The following EBF4 variants were observed in gnomAD, a reference collection of about 807,000 sequenced individuals.
EBF4 encodes EBF transcription factor 4.
Under a neutral mutation model 67.1 loss-of-function variants are expected in EBF4, and 34 were observed. That is an observed-to-expected ratio of 0.51 (90% CI 0.39 to 0.67). The LOEUF is 0.67. Among genes scored for constraint, EBF4 ranks in the 30% least tolerant of loss-of-function variants. The pLI, the probability that EBF4 is intolerant of heterozygous loss-of-function variation, is 0.00. For synonymous variants in EBF4, 387 were observed against 377.7 expected (o/e 1.02, Z -0.29); for missense variants, 837 against 873.3 (o/e 0.96, Z 0.52).
rs369496175 is a variant in EBF4, at chr20:2,747,320, A to AC, written c.558-1229_558-1228insC. ...TCAAAACAAAAAACAAAACAAACAA[A>AC]AAAAAAAAAACAGGAAAAAAAAGAG... On this transcript the variant is annotated intron_variant, in intron 6 of 16. Transcript: ENST00000609451. The surrounding 1 kb of genome is among the most constrained non-coding windows in gnomAD (Gnocchi z 4.6). 3.0e-4 allele frequency among the ~76,000 whole-genome samples: 43 copies of AC among 143,620 alleles called. No homozygotes were observed. Among genetic ancestry groups the AC allele is most frequent in the African/African-American group, 1.2e-3 (41 of 33,932 alleles). 94.2% of individuals were successfully genotyped at this position (143,620 alleles called of 152,430 possible).
At chr20:2,735,601 T>A (rs960849775) in intron 6 of EBF4, among the ~76,000 whole-genome samples, 1 of 152,248 alleles carries the variant, frequency 6.6e-6, no homozygotes, top group Non-Finnish European at 1.5e-5. Flanking sequence ...CTGTAATTGT[T>A]ATTTCTTACC....
At position 2,755,389 on chromosome 20, in the gene EBF4, C is replaced by A. The variant is rs2088225755; in HGVS notation, c.1541-238C>A. 2.0e-6 allele frequency: 1 copy of A among 508,756 alleles called. No individual in the cohort carries two copies. The highest frequency in any genetic ancestry group is 3.5e-6 in the Non-Finnish European group (1 of 289,176). The allele number at this position is 508,756 out of a possible 1,614,324, so 31.5% of individuals were successfully genotyped here. ...GTTTTTTTTGAATGTTCTGGTTTTGCTTTTGTCTTTACCTGGTCTGGCCCT... is the reference window on the plus strand; with the variant it reads ...GTTTTTTTTGAATGTTCTGGTTTTGATTTTGTCTTTACCTGGTCTGGCCCT... On this transcript the variant is annotated intron_variant, in intron 14 of 16. Coordinates refer to ENST00000609451, the Ensembl canonical transcript of EBF4. This position sits in a 1 kb window ranked among gnomAD's most constrained non-coding sequence, Gnocchi z 4.7.
chr20:2,745,465 C>T lies in EBF4; in HGVS notation c.558-3084C>T, dbSNP rs1160045244. Reference sequence around the variant, plus strand: ...TAGCCAGGCTCAAACACTGAGGTGTCCCCATAGACAGAGGTGCTGGCAGGT... The same window carrying T: ...TAGCCAGGCTCAAACACTGAGGTGTTCCCATAGACAGAGGTGCTGGCAGGT... On this transcript the variant is annotated intron_variant, in intron 6 of 16. Transcript: ENST00000609451. The surrounding 1 kb of genome is among the most constrained non-coding windows in gnomAD (Gnocchi z 5.2). Among the ~76,000 whole-genome samples the T allele has an allele frequency of 1.3e-5, 2 of 152,212 alleles. No individual in the cohort carries two copies. The highest frequency in any genetic ancestry group is 6.5e-5 in the Admixed American group (1 of 15,280).
At chr20:2,742,433 G>A (rs1340042519) in intron 6 of EBF4, among the ~76,000 whole-genome samples, 2 of 152,138 alleles carry the variant, frequency 1.3e-5, no homozygotes, top group Non-Finnish European at 2.9e-5. Flanking sequence ...TTTTTGCATA[G>A]TTACCTCCCT....
At chr20:2,752,525 C>A in exon 14 of EBF4, 1 of 1,251,712 alleles carries the variant, frequency 8.0e-7, no homozygotes, top group Non-Finnish European at 1.0e-6. Flanking sequence ...AATGGCTCCA[C>A]CGCCACCTCG....
chr20:2,745,931 C>A lies in EBF4; in HGVS notation c.558-2618C>A, dbSNP rs2088043791. 6.6e-6 allele frequency among the ~76,000 whole-genome samples: 1 copy of A among 152,172 alleles called. No individual in the cohort carries two copies. The highest frequency in any genetic ancestry group is 2.1e-4 in the South Asian group (1 of 4,830). ...TGGTGCAGTCCTATGCTTGTCGCAT[C>A]TTCAGTGGTATCCAAAGGTGAGCCT... On this transcript the variant is annotated intron_variant, in intron 6 of 16. Coordinates refer to ENST00000609451, the Ensembl canonical transcript of EBF4. The surrounding 1 kb of genome is among the most constrained non-coding windows in gnomAD (Gnocchi z 5.2).
chr20:2,701,371 C>A (rs1039118520), intron 1 of EBF4, among the ~76,000 whole-genome samples: 2 of 152,218 alleles, frequency 1.3e-5, no homozygotes, highest in Non-Finnish European at 2.9e-5. Context: ...TGTCTTCCCC[C>A]CTCCCAGGTC....
chr20:2,725,565 C>A (rs993272465), intron 6 of EBF4, among the ~76,000 whole-genome samples: 1 of 152,098 alleles, frequency 6.6e-6, no homozygotes, highest in African/African-American at 2.4e-5. Flanking sequence ...TCCATTATTT[C>A]TGCTATTACT....
rs973905456 is a variant in EBF4, at chr20:2,755,702, TCTC to T, written c.1619_1621del (p.Ser540del). The T allele has an allele frequency of 7.1e-6, 11 of 1,550,604 alleles. No individual in the cohort carries two copies. The Admixed American group carries it at 1.4e-4, about 19-fold the overall frequency. On this transcript the variant is annotated inframe_deletion, in exon 15 of 17. Coordinates refer to ENST00000609451, the Ensembl canonical transcript of EBF4. This position sits in a 1 kb window ranked among gnomAD's most constrained non-coding sequence, Gnocchi z 4.7. ...GCCGCTGCCCCCACCACCAGCGTGT[TCTC>T]CTTCTCGCCTGTCAACATGATCTCC...
chr20:2,746,616 G>A (rs951750383), intron 6 of EBF4, among the ~76,000 whole-genome samples: 2 of 152,108 alleles, frequency 1.3e-5, no homozygotes, highest in Admixed American at 6.5e-5. Flanking sequence ...TTCAGGACCT[G>A]TAACAAATTT....
intron 10 of EBF4, among the ~76,000 whole-genome samples, chr20:2,750,504 C>T (rs958536681): frequency 6.6e-6 from 1 of 152,048 alleles, no homozygotes; most frequent in African/African-American, 2.4e-5. Flanking sequence ...TAGAACCCCC[C>T]AGCCTGGCTC....
In EBF4 at chr20:2,707,836, G is replaced by C; in HGVS notation, c.415-111G>C. The C allele has an allele frequency of 9.1e-7, 1 of 1,098,166 alleles. No homozygotes were observed. Among genetic ancestry groups the C allele is most frequent in the Non-Finnish European group, 1.3e-6 (1 of 787,542 alleles). The allele number at this position is 1,098,166 out of a possible 1,614,324, so 68.0% of individuals were successfully genotyped here. ...AGGCAGAGGGCGTGCTCTTCCCTGG[G>C]GCAGGGTCTCCCTGGGCCTAGGCTT... On this transcript the variant is annotated intron_variant, in intron 4 of 16. Coordinates refer to ENST00000609451, the Ensembl canonical transcript of EBF4. The surrounding 1 kb of genome is among the most constrained non-coding windows in gnomAD (Gnocchi z 4.6).
At chr20:2,715,276 C>T (rs999765313) in intron 6 of EBF4, among the ~76,000 whole-genome samples, 2 of 152,110 alleles carry the variant, frequency 1.3e-5, no homozygotes, top group African/African-American at 4.8e-5. Context: ...AAAAATGATA[C>T]CATGTTGCAG....
At chr20:2,693,088 G>T (rs775607245), upstream of EBF4, 62 of 159,682 alleles carry the variant, frequency 3.9e-4, no homozygotes, top group Middle Eastern at 3.1e-3. The surrounding 1 kb of genome is among the most constrained non-coding windows in gnomAD (Gnocchi z 4.6). Flanking sequence ...TCCTGCCGCC[G>T]CTGCCGCCAC....
intron 6 of EBF4, among the ~76,000 whole-genome samples, chr20:2,713,487 T>A (rs2087569769): frequency 6.6e-6 from 1 of 152,082 alleles, no homozygotes; most frequent in East Asian, 1.9e-4. Flanking sequence ...ACCAGGGGGA[T>A]GAATGTCATG....
intron 6 of EBF4, among the ~76,000 whole-genome samples, chr20:2,732,889 T>C (rs2087833615): frequency 6.6e-6 from 1 of 152,190 alleles, no homozygotes. Context: ...TGTGCAGTTG[T>C]CTTTTAAATT....
At position 2,697,675 on chromosome 20, in the gene EBF4, G is replaced by A. The variant is rs529747792; in HGVS notation, c.137+3893G>A. On this transcript the variant is annotated intron_variant, in intron 1 of 16. Coordinates refer to ENST00000609451, the Ensembl canonical transcript of EBF4. Reference sequence around the variant, plus strand: ...TCTCCCTACCAATGTCTTCCTACCAGGGAAGTCTGCACAAGGACCCCCTGC... The same window carrying A: ...TCTCCCTACCAATGTCTTCCTACCAAGGAAGTCTGCACAAGGACCCCCTGC... Among the ~76,000 whole-genome samples the A allele has an allele frequency of 4.7e-4, 72 of 152,266 alleles. No individual in the cohort carries two copies. In the East Asian group the frequency reaches 0.013, roughly 28 times the overall value.
intron 6 of EBF4, among the ~76,000 whole-genome samples, chr20:2,714,802 T>G (rs2087587039): frequency 6.6e-6 from 1 of 152,198 alleles, no homozygotes; most frequent in Non-Finnish European, 1.5e-5. Context: ...TTCCTAAATC[T>G]TTTACATACT....
At chr20:2,752,296 G>A in intron 13 of EBF4, 33 bp downstream of exon 13, 1 of 1,208,546 alleles carries the variant, frequency 8.3e-7, no homozygotes, top group South Asian at 3.9e-5. Flanking sequence ...CCGTCCTCGG[G>A]CGCCGCCACC....
Sources: allele counts gnomAD v4.1 joint callset (sites outside exome capture counted in the v4.1 genomes callset), GRCh38; gene constraint gnomAD v4.1.1; non-coding constraint Gnocchi (gnomAD v3.1); transcripts MANE v1.5; gene names NCBI Gene and HGNC (gene_info 2026-07-23, HGNC 2026-07-21).